SHPRH: variants seen among roughly 807,000 people sequenced by gnomAD.
SHPRH encodes SNF2 histone linker PHD RING helicase.
Under a neutral mutation model 202.5 loss-of-function variants are expected in SHPRH, and 106 were observed. That is an observed-to-expected ratio of 0.52 (90% CI 0.45 to 0.62). The LOEUF is 0.62. Ranked by LOEUF, SHPRH falls within the 20% of genes least tolerant of loss-of-function variation. The pLI is 0.00. For missense variants in SHPRH, 1,710 were observed against 2,020.0 expected, an observed-to-expected ratio of 0.85 and a Z score of 2.94; for synonymous variants, 729 against 686.0, an observed-to-expected ratio of 1.06 and a Z score of -0.98.
At chr6:145,921,600 T>C (rs897395281) in intron 20 of SHPRH, among the ~76,000 whole-genome samples, 2 of 151,982 alleles carry the variant, frequency 1.3e-5, no homozygotes, top group African/African-American at 4.8e-5. Context: ...ACTGATTCAT[T>C]TGCCATAACA....
At chr6:145,887,057 C>G (rs529794491) in intron 29 of SHPRH, among the ~76,000 whole-genome samples, 1 of 152,318 alleles carries the variant, frequency 6.6e-6, no homozygotes, top group African/African-American at 2.4e-5. Flanking sequence ...GCTACTAAGG[C>G]TCTCACCTTA....
Position 145,886,623 on chromosome 6 carries a change from G to C in SHPRH, c.*68C>G, listed in dbSNP as rs1423105370. On this transcript the variant is annotated 3_prime_UTR_variant, in exon 30 of 30. Coordinates refer to ENST00000275233, the MANE Select transcript of SHPRH (RefSeq NM_001042683.3). ...GTTATCTACTGGGTTTTTAAAACTT[G>C]TAACTTTGCTCTACAGCTATGAAAG... 1.3e-6 allele frequency: 2 copies of C among 1,582,282 alleles called. No individual in the cohort carries two copies. The highest frequency in any genetic ancestry group is 1.7e-6 in the Non-Finnish European group (2 of 1,166,808).
chr6:145,925,055 A>G (rs185422551), intron 16 of SHPRH, among the ~76,000 whole-genome samples: 9 of 152,022 alleles, frequency 5.9e-5, no homozygotes, highest in African/African-American at 1.7e-4. Context: ...CCAAGTAACA[A>G]AATTTCAGAA....
intron 23 of SHPRH, among the ~76,000 whole-genome samples, chr6:145,913,993 A>AT (rs1337081638): frequency 6.6e-6 from 1 of 152,160 alleles, no homozygotes; most frequent in African/African-American, 2.4e-5. Context: ...ATGTATGTAT[A>AT]TATTTGCAGT....
At chr6:145,879,987 T>C (rs191760076), downstream of SHPRH, among the ~76,000 whole-genome samples, 316 of 147,706 alleles carry the variant, frequency 2.1e-3, 2 homozygotes, top group African/African-American at 7.2e-3. Flanking sequence ...CTTGATATAA[T>C]GATGAAATTC....
intron 25 of SHPRH, among the ~76,000 whole-genome samples, chr6:145,896,486 C>G (rs1156297088): frequency 6.6e-6 from 1 of 152,014 alleles, no homozygotes; most frequent in Non-Finnish European, 1.5e-5. Flanking sequence ...TTATAATCAA[C>G]ATTTCTAGTA....
At chr6:145,949,137 C>T (rs1052168604) in intron 4 of SHPRH, among the ~76,000 whole-genome samples, 9 of 152,024 alleles carry the variant, frequency 5.9e-5, no homozygotes, top group Non-Finnish European at 1.3e-4. Flanking sequence ...AGTACAATCT[C>T]TATGGAAAAC....
chr6:145,904,873 A>G (rs1782816677), intron 25 of SHPRH: 1 of 152,132 alleles, frequency 6.6e-6, no homozygotes, highest in Non-Finnish European at 1.5e-5. Flanking sequence ...CTCATGAAAG[A>G]CAGCGAGAAG....
At chr6:145,866,432 G>A (rs1390073979) in intron 2 of SHPRH, among the ~76,000 whole-genome samples, 1 of 152,126 alleles carries the variant, frequency 6.6e-6, no homozygotes, top group Non-Finnish European at 1.5e-5. Context: ...TAATTAACTG[G>A]ATTGAAATGA....
At chr6:145,873,453 T>A (rs780930258) in intron 2 of SHPRH, among the ~76,000 whole-genome samples, 1 of 152,174 alleles carries the variant, frequency 6.6e-6, no homozygotes, top group Non-Finnish European at 1.5e-5. Flanking sequence ...CAACTTCCAG[T>A]TAATAAGTTC....
intron 25 of SHPRH, chr6:145,909,790 A>AT (rs1783325542): frequency 6.6e-6 from 1 of 152,120 alleles, no homozygotes; most frequent in African/African-American, 2.4e-5. Flanking sequence ...TTAAAAAAGC[A>AT]TATTTAAGGA....
chr6:145,952,723 C>T (rs916937471), intron 2 of SHPRH, among the ~76,000 whole-genome samples: 2 of 151,980 alleles, frequency 1.3e-5, no homozygotes, highest in Admixed American at 6.6e-5. Context: ...TAACTGAAAT[C>T]GAACCTGGGA....
In SHPRH at chr6:145,955,090, C is replaced by G. The variant is rs775334176; in HGVS notation, c.233G>C (p.Ser78Thr). The G allele has an allele frequency of 3.1e-6, 5 of 1,613,406 alleles. No individual in the cohort carries two copies. Among genetic ancestry groups the G allele is most frequent in the East Asian group, 2.2e-5 (1 of 44,884 alleles). The change falls in exon 2 of 30, where the codon AGC (serine) becomes ACC (threonine). Residue 78 changes from serine to threonine, a missense_variant. Physicochemically the swap from Ser to Thr is moderately conservative, Grantham distance 58 (BLOSUM62 1). This residue lies in a region of SHPRH where 459 missense variants were observed against 426.5 expected (regional missense o/e 1.08). Coordinates refer to ENST00000275233, the MANE Select transcript of SHPRH (RefSeq NM_001042683.3). ...RDKKRCSKVV[S>T]FSKPIEKEET... Reference sequence around the variant, plus strand: ...TTCTTTTTCAATTGGTTTTGAGAAGCTCACCACTTTTGAACACCTCTTCTT... The same window carrying G: ...TTCTTTTTCAATTGGTTTTGAGAAGGTCACCACTTTTGAACACCTCTTCTT...
Position 145,935,178 on chromosome 6 carries a change from A to AG in SHPRH, c.2734-16dup, listed in dbSNP as rs1491082775. ...GGTATTTGGATCTGTGAAAAGGAGC[A>AG]GAAAAAAAAAAAAAGATATCATCTA... On this transcript the variant is annotated splice_polypyrimidine_tract_variant and intron_variant, in intron 12 of 29. Coordinates refer to ENST00000275233, the MANE Select transcript of SHPRH (RefSeq NM_001042683.3). 3 of 1,594,714 alleles carry AG rather than the reference A, an allele frequency of 1.9e-6. No individual in the cohort carries two copies. The highest frequency in any genetic ancestry group is 3.6e-5 in the Admixed American group (2 of 55,776).
In SHPRH at chr6:145,926,220, C is replaced by A; in HGVS notation, c.3278G>T (p.Gly1093Val). 6.2e-7 allele frequency: 1 copy of A among 1,612,814 alleles called. No homozygotes were observed. Among genetic ancestry groups the A allele is most frequent in the Non-Finnish European group, 8.5e-7 (1 of 1,179,158 alleles). ...HPGIPPTLRDGRLEEEAKQLR... is the reference protein window; with the variant it reads ...HPGIPPTLRDVRLEEEAKQLR... ...AATAATTACCTCTTCCTCAAGTCGGCCATCACGCAAGGTAGGTGGTATCCC... is the reference window on the plus strand; with the variant it reads ...AATAATTACCTCTTCCTCAAGTCGGACATCACGCAAGGTAGGTGGTATCCC... Residue 1093 changes from glycine to valine, a missense_variant, in exon 16 of 30, where the codon GGC becomes GTC. Physicochemically the swap from Gly to Val is moderately radical, Grantham distance 109 (BLOSUM62 -3). Around this residue, in one of 8 missense-constraint regions of SHPRH, gnomAD observed 288 missense variants for 317.8 expected, o/e 0.91. Coordinates refer to ENST00000275233, the MANE Select transcript of SHPRH (RefSeq NM_001042683.3).
intron 29 of SHPRH, 67 bp from the exon 30 acceptor site, chr6:145,886,854 TA>T (rs1439713024): frequency 6.6e-7 from 1 of 1,523,592 alleles, no homozygotes; most frequent in Non-Finnish European, 8.9e-7. Flanking sequence ...ATATTTGTAG[TA>T]ATACGAACTA....
At chr6:145,858,892 G>T in the SHPRH span, among the ~76,000 whole-genome samples, 4 of 151,932 alleles carry the variant, frequency 2.6e-5, no homozygotes, top group African/African-American at 9.7e-5. Context: ...GAGTGATATG[G>T]TACTTTAGAT....
At chr6:145,958,236 A>G (rs562000905) in intron 1 of SHPRH, among the ~76,000 whole-genome samples, 21 of 152,330 alleles carry the variant, frequency 1.4e-4, no homozygotes, top group Non-Finnish European at 2.2e-4. Flanking sequence ...ACATGATTGC[A>G]GAGTATACAT....
downstream of SHPRH, among the ~76,000 whole-genome samples, chr6:145,860,303 T>G (rs1779537161): frequency 1.3e-5 from 2 of 151,970 alleles, no homozygotes; most frequent in Non-Finnish European, 2.9e-5. Context: ...CTCAGTAAAG[T>G]TACATTACAG....
Sources: gnomAD v4.1 joint callset for allele counts (sites outside exome capture counted in the v4.1 genomes callset) on GRCh38, gnomAD v4.1.1 for gene constraint, gnomAD v4.1.1 regional missense constraint, MANE v1.5 for transcripts, NCBI Gene and HGNC (gene_info 2026-07-23, HGNC 2026-07-21) for gene names.